SH2D4B: variants seen among roughly 807,000 people sequenced by gnomAD.
SH2D4B encodes the protein SH2 domain containing 4B, also known as SH2 domain-containing protein 4B.
A neutral mutation model predicts 61.5 loss-of-function variants in SH2D4B; 45 were observed. The observed-to-expected ratio is 0.73, with a 90% CI of 0.58 to 0.94. SH2D4B has a LOEUF of 0.94. Among genes scored for constraint, SH2D4B ranks in the 40% least tolerant of loss-of-function variants. SH2D4B has a pLI of 0.00. For synonymous variants in SH2D4B, 224 were observed against 220.4 expected, an observed-to-expected ratio of 1.02 and a Z score of -0.14; for missense variants, 572 against 574.2, an observed-to-expected ratio of 1.00 and a Z score of 0.04.
At chr10:80,582,833 T>G (rs1489183519) in intron 3 of SH2D4B, among the ~76,000 whole-genome samples, 3 of 152,198 alleles carry the variant, frequency 2.0e-5, no homozygotes, top group Middle Eastern at 6.3e-3. Context: ...GCTTGCAGCC[T>G]GCTCCCCTCC....
intron 1 of SH2D4B, among the ~76,000 whole-genome samples, chr10:80,567,390 A>T (rs1841983614): frequency 6.6e-6 from 1 of 152,106 alleles, no homozygotes; most frequent in African/African-American, 2.4e-5. Context: ...CACACATTTC[A>T]TTCTTCTCCT....
At chr10:80,552,881 CTCTT>C (rs971021086) in intron 1 of SH2D4B, among the ~76,000 whole-genome samples, 7 of 150,836 alleles carry the variant, frequency 4.6e-5, no homozygotes, top group South Asian at 4.1e-4. Context: ...CCCCCTCTCT[CTCTT>C]TCTTTCTCTC....
chr10:80,598,839 G>T (rs1287086087), intron 4 of SH2D4B, among the ~76,000 whole-genome samples: 1 of 151,800 alleles, frequency 6.6e-6, no homozygotes, highest in Non-Finnish European at 1.5e-5. Context: ...GTTGCCCAGA[G>T]ATTTAGAGAT....
In SH2D4B at chr10:80,570,705, A is replaced by ATGGTAC. The variant is rs1271730171; in HGVS notation, c.347+389_347+390insTGGTAC. Reference sequence around the variant, plus strand: ...GACTTATAGATCCAAAATGCTACTTAAGATTACTATATGGTACAGGTATTT... The same window carrying ATGGTAC: ...GACTTATAGATCCAAAATGCTACTTATGGTACAGATTACTATATGGTACAGGTATTT... On this transcript the variant is annotated intron_variant, in intron 2 of 7. Transcript: ENST00000646907. Among the ~76,000 whole-genome samples the ATGGTAC allele has an allele frequency of 5.3e-5, 8 of 152,348 alleles. No homozygotes were observed. In the East Asian group the frequency reaches 1.5e-3, roughly 29 times the overall value.
At chr10:80,553,344 C>T (rs1175492081) in intron 1 of SH2D4B, among the ~76,000 whole-genome samples, 3 of 152,218 alleles carry the variant, frequency 2.0e-5, no homozygotes, top group African/African-American at 4.8e-5. Flanking sequence ...GTCCCCAGGA[C>T]ATGTGCAGCT....
At chr10:80,567,397 T>G (rs906717300) in intron 1 of SH2D4B, among the ~76,000 whole-genome samples, 3 of 152,132 alleles carry the variant, frequency 2.0e-5, no homozygotes, top group Non-Finnish European at 4.4e-5. Flanking sequence ...TTCATTCTTC[T>G]CCTCCATCTA....
chr10:80,611,975 G>T (rs766192392), intron 6 of SH2D4B, among the ~76,000 whole-genome samples: 5 of 152,064 alleles, frequency 3.3e-5, no homozygotes, highest in Non-Finnish European at 5.9e-5. Context: ...CAGAAGGAAA[G>T]AAAAAGGCTC....
chr10:80,579,946 T>G (rs1168598754), intron 3 of SH2D4B, among the ~76,000 whole-genome samples: 1 of 152,248 alleles, frequency 6.6e-6, no homozygotes, highest in African/African-American at 2.4e-5. Flanking sequence ...GTCTTCTCTT[T>G]ACCTGTTTGA....
rs760680057 is a variant in SH2D4B at position 80,603,680 on chromosome 10, G to T, written c.745G>T (p.Val249Phe). 3.1e-6 allele frequency: 5 copies of T among 1,611,674 alleles called. No individual in the cohort carries two copies. The highest frequency in any genetic ancestry group is 4.2e-6 in the Non-Finnish European group (5 of 1,179,300). Reference sequence around the variant, plus strand: ...GCTCCGTGCTATCCAGAAGGGCACGGTCGCTGGCCTCAGCTCCATGTTCCG... The same window carrying T: ...GCTCCGTGCTATCCAGAAGGGCACGTTCGCTGGCCTCAGCTCCATGTTCCG... Reference protein sequence around the residue: ...HSLRAIQKGTVAGLSSMFREL... With the variant: ...HSLRAIQKGTFAGLSSMFREL... The change falls in exon 5 of 8, where the codon GTC (valine) becomes TTC (phenylalanine). Residue 249 changes from valine (V) to phenylalanine (F), a missense_variant. Physicochemically the swap from Val to Phe is conservative, Grantham distance 50. Coordinates refer to ENST00000646907, the MANE Select transcript of SH2D4B (RefSeq NM_001388272.1).
intron 6 of SH2D4B, among the ~76,000 whole-genome samples, chr10:80,627,986 A>G (rs1842782522): frequency 6.6e-6 from 1 of 152,214 alleles, no homozygotes; most frequent in East Asian, 1.9e-4. Context: ...AGGCCCAGTC[A>G]TTAGCAGAGT....
intron 4 of SH2D4B, among the ~76,000 whole-genome samples, chr10:80,591,587 A>G (rs1418187946): frequency 6.8e-6 from 1 of 147,646 alleles, no homozygotes; most frequent in Non-Finnish European, 1.5e-5. Context: ...GCTCACTGCA[A>G]CCTCTCCCTC....
intron 1 of SH2D4B, among the ~76,000 whole-genome samples, chr10:80,542,489 C>T (rs1242189270): frequency 2.1e-5 from 3 of 146,096 alleles, no homozygotes; most frequent in African/African-American, 7.6e-5. Context: ...CTTCTGCCTC[C>T]CGGGTTCAAG....
intron 7 of SH2D4B, among the ~76,000 whole-genome samples, chr10:80,640,207 C>G (rs570181530): frequency 4.6e-5 from 7 of 152,188 alleles, no homozygotes; most frequent in Admixed American, 4.6e-4. Context: ...CTTTCTCTCC[C>G]GCTGCCCTTA....
rs1840383872 is a variant in SH2D4B, at chr10:80,645,519, CCTT to C, written c.*1439_*1441del. 6.6e-6 allele frequency: 1 copy of C among 152,194 alleles called. No individual in the cohort carries two copies. Among genetic ancestry groups the C allele is most frequent in the Non-Finnish European group, 1.5e-5 (1 of 68,060 alleles). The allele number at this position is 152,194 out of a possible 1,614,324, so 9.4% of individuals were successfully genotyped here. On this transcript the variant is annotated 3_prime_UTR_variant, in exon 8 of 8. Coordinates refer to ENST00000646907, the MANE Select transcript of SH2D4B (RefSeq NM_001388272.1). ...ATAGGCTGGTAGATCGCTTTTTCCT[CCTT>C]CTTCCTCCTGGAGGAACTATTCTGA...
intron 6 of SH2D4B, among the ~76,000 whole-genome samples, chr10:80,628,960 G>A (rs1028204606): frequency 6.6e-6 from 1 of 151,550 alleles, no homozygotes; most frequent in African/African-American, 2.4e-5. Context: ...AATCTGGGAG[G>A]TGGAGGTTGC....
intron 1 of SH2D4B, among the ~76,000 whole-genome samples, chr10:80,566,230 T>C (rs979539726): frequency 4.0e-5 from 6 of 151,460 alleles, no homozygotes; most frequent in African/African-American, 1.5e-4. Flanking sequence ...AATGGGGACA[T>C]CTTGTCACTC....
chr10:80,577,960 A>T (rs991563304), intron 3 of SH2D4B, among the ~76,000 whole-genome samples: 2 of 139,744 alleles, frequency 1.4e-5, no homozygotes, highest in African/African-American at 5.9e-5. Context: ...ATTGGCTTAG[A>T]TAATTTTTTT....
At chr10:80,610,073 C>T (rs1209415880) in intron 6 of SH2D4B, among the ~76,000 whole-genome samples, 1 of 152,158 alleles carries the variant, frequency 6.6e-6, no homozygotes, top group Non-Finnish European at 1.5e-5. Context: ...TTTTCCTGTC[C>T]CTCAAACAAG....
chr10:80,640,382 T>A (rs1182644345), intron 7 of SH2D4B, among the ~76,000 whole-genome samples: 1 of 152,178 alleles, frequency 6.6e-6, no homozygotes, highest in Non-Finnish European at 1.5e-5. Context: ...CTGAAGAGTG[T>A]TTTCCAACTT....
Sources: allele counts gnomAD v4.1 joint callset (sites outside exome capture counted in the v4.1 genomes callset), GRCh38; gene constraint gnomAD v4.1.1; transcripts MANE v1.5; gene names NCBI Gene and HGNC (gene_info 2026-07-23, HGNC 2026-07-21).